Variants in RSRC1 observed in about 807,000 individuals in gnomAD.
RSRC1 encodes the protein serine/Arginine-related protein 53.
Under a neutral mutation model 49.1 loss-of-function variants are expected in RSRC1, and 39 were observed. That is an observed-to-expected ratio of 0.79 (90% confidence interval 0.61 to 1.04). The LOEUF (loss-of-function observed/expected upper bound fraction) is 1.04, where lower values mean the gene tolerates loss of function less well. Among genes scored for constraint, RSRC1 ranks in the 50% least tolerant of loss-of-function variants. The pLI is 0.00. For synonymous variants in RSRC1, 143 were observed against 130.8 expected (o/e 1.09, Z -0.63); for missense variants, 388 against 402.4 (o/e 0.96, Z 0.31).
At chr3:158,128,473 C>T (rs1328491851) in intron 3 of RSRC1, among the ~76,000 whole-genome samples, 1 of 151,910 alleles carries the variant, frequency 6.6e-6, no homozygotes, top group Non-Finnish European at 1.5e-5. Flanking sequence ...TGCCATCTTG[C>T]CATCATCATT....
intron 6 of RSRC1, among the ~76,000 whole-genome samples, chr3:158,359,983 G>T (rs1053244583): frequency 2.0e-5 from 3 of 152,022 alleles, no homozygotes; most frequent in African/African-American, 7.2e-5. Flanking sequence ...GCTCCTCTCT[G>T]CTAGGCAGGT....
intron 7 of RSRC1, among the ~76,000 whole-genome samples, chr3:158,503,488 G>A (rs773126879): frequency 6.6e-5 from 10 of 152,168 alleles, no homozygotes; most frequent in Non-Finnish European, 1.0e-4. Flanking sequence ...ACCAAAGTGG[G>A]TAGGGAAGGA....
At chr3:158,441,500 G>A (rs146082104) in intron 6 of RSRC1, among the ~76,000 whole-genome samples, 1 of 151,956 alleles carries the variant, frequency 6.6e-6, no homozygotes, top group Non-Finnish European at 1.5e-5. Context: ...GGATCATGAG[G>A]CCCATAATAA....
intron 6 of RSRC1, among the ~76,000 whole-genome samples, chr3:158,446,023 A>T (rs1736689650): frequency 6.6e-6 from 1 of 152,130 alleles, no homozygotes; most frequent in Non-Finnish European, 1.5e-5. Context: ...GAAGTTTGAG[A>T]TCTACCGCCC....
chr3:158,483,992 G>A (rs764652228), intron 7 of RSRC1, among the ~76,000 whole-genome samples: 32 of 152,048 alleles, frequency 2.1e-4, no homozygotes, highest in African/African-American at 5.1e-4. Flanking sequence ...AAATCTGTGC[G>A]GACGCTAAGC....
In RSRC1 at chr3:158,179,045, TC is replaced by T. The variant is rs543054283; in HGVS notation, c.321-24022del. Among the ~76,000 whole-genome samples, 27 of 152,342 alleles carry T rather than the reference TC, an allele frequency of 1.8e-4. No individual in the cohort carries two copies. In the East Asian group the frequency reaches 3.1e-3, roughly 17 times the overall value. Reference sequence around the variant, plus strand: ...GGTTTGGGTCAATGTTATCAATTTTTCCCCCTCTGGGATTTTCTAAGTGTAC... The same window carrying T: ...GGTTTGGGTCAATGTTATCAATTTTTCCCCTCTGGGATTTTCTAAGTGTAC... On this transcript the variant is annotated intron_variant, in intron 3 of 9. Coordinates refer to ENST00000611884, the MANE Select transcript of RSRC1 (RefSeq NM_001271838.2).
chr3:158,249,463 T>C (rs1247423397), intron 4 of RSRC1, among the ~76,000 whole-genome samples: 1 of 152,234 alleles, frequency 6.6e-6, no homozygotes, highest in Non-Finnish European at 1.5e-5. Context: ...TGCTGAATAG[T>C]ATTCTATTAA....
At chr3:158,325,407 A>G (rs1217905095) in intron 5 of RSRC1, among the ~76,000 whole-genome samples, 3 of 152,182 alleles carry the variant, frequency 2.0e-5, no homozygotes, top group Non-Finnish European at 4.4e-5. Flanking sequence ...ATTTTTGTAT[A>G]TGGTGTAAGG....
At chr3:158,259,422 C>T (rs895168102) in intron 4 of RSRC1, among the ~76,000 whole-genome samples, 14 of 151,936 alleles carry the variant, frequency 9.2e-5, no homozygotes, top group Non-Finnish European at 1.6e-4. Flanking sequence ...CCTTTCTTTT[C>T]CCCAAACAGA....
At chr3:158,207,868 T>C (rs1350378716) in intron 4 of RSRC1, among the ~76,000 whole-genome samples, 1 of 152,096 alleles carries the variant, frequency 6.6e-6, no homozygotes, top group African/African-American at 2.4e-5. Flanking sequence ...GAGAAAAAAA[T>C]GCGAGATCAG....
chr3:158,189,881 AT>A (rs1720136527), intron 3 of RSRC1, among the ~76,000 whole-genome samples: 1 of 151,542 alleles, frequency 6.6e-6, no homozygotes, highest in African/African-American at 2.4e-5. Flanking sequence ...AGTTTATATT[AT>A]TTTAATTACA....
intron 7 of RSRC1, among the ~76,000 whole-genome samples, chr3:158,529,981 G>T (rs1187332337): frequency 1.3e-5 from 2 of 151,786 alleles, no homozygotes; most frequent in Non-Finnish European, 1.5e-5. Flanking sequence ...GGCCTTTTGT[G>T]CCTTCTCATA....
intron 3 of RSRC1, among the ~76,000 whole-genome samples, chr3:158,187,093 C>G (rs1164953345): frequency 1.3e-5 from 2 of 151,912 alleles, no homozygotes; most frequent in Non-Finnish European, 2.9e-5. Context: ...TTTTATCACT[C>G]ATTGGCTCTG....
chr3:158,270,531 T>C (rs1455698302), intron 4 of RSRC1, among the ~76,000 whole-genome samples: 1 of 152,232 alleles, frequency 6.6e-6, no homozygotes, highest in Admixed American at 6.5e-5. Context: ...CAATTGTAAT[T>C]TATTGAGCAT....
At chr3:158,349,739 C>T (rs962031332) in intron 5 of RSRC1, among the ~76,000 whole-genome samples, 29 of 140,388 alleles carry the variant, frequency 2.1e-4, no homozygotes, top group African/African-American at 7.3e-4. Flanking sequence ...CCTTTGTCAC[C>T]CAGGCTGGAG....
intron 4 of RSRC1, among the ~76,000 whole-genome samples, chr3:158,277,737 C>G (rs1240032862): frequency 6.6e-6 from 1 of 152,196 alleles, no homozygotes; most frequent in East Asian, 1.9e-4. Context: ...ATATAAGCAC[C>G]ATTTTGCCTT....
chr3:158,282,029 C>T (rs949711818), intron 4 of RSRC1, among the ~76,000 whole-genome samples: 2 of 152,180 alleles, frequency 1.3e-5, no homozygotes, highest in African/African-American at 4.8e-5. Context: ...GGTACACATA[C>T]TTGGTACACA....
chr3:158,449,808 TCTCC>T (rs1244931837), intron 6 of RSRC1, among the ~76,000 whole-genome samples: 1 of 151,854 alleles, frequency 6.6e-6, no homozygotes, highest in Non-Finnish European at 1.5e-5. Flanking sequence ...ATTGGTAAAT[TCTCC>T]CTGGCAGTAG....
At chr3:158,444,645 A>G (rs931846250) in intron 6 of RSRC1, among the ~76,000 whole-genome samples, 4 of 152,212 alleles carry the variant, frequency 2.6e-5, no homozygotes, top group Non-Finnish European at 5.9e-5. Context: ...AACAAAAGCC[A>G]AAATTGACAA....
Sources: gnomAD v4.1 joint callset for allele counts (sites outside exome capture counted in the v4.1 genomes callset) on GRCh38, gnomAD v4.1.1 for gene constraint, MANE v1.5 for transcripts, NCBI Gene and HGNC (gene_info 2026-07-23, HGNC 2026-07-21) for gene names.